FBXW7: variants seen among roughly 807,000 people sequenced by gnomAD.
The protein encoded by FBXW7 is F-box/WD repeat-containing protein 7.
A neutral mutation model predicts 86.3 loss-of-function variants in FBXW7; 11 were observed. That is an observed-to-expected ratio of 0.13 (90% CI 0.08 to 0.21). The LOEUF (loss-of-function observed/expected upper bound fraction) is 0.21, where lower values mean the gene tolerates loss of function less well. Ranked by LOEUF, FBXW7 falls within the 10% of genes least tolerant of loss-of-function variation. The probability of loss-of-function intolerance (pLI) is 1.00; values close to 1 mark genes in which losing one functional copy is unlikely to be tolerated. For missense variants in FBXW7, 488 were observed against 847.4 expected, an observed-to-expected ratio of 0.58 and a Z score of 5.27; for synonymous variants, 313 against 297.9, an observed-to-expected ratio of 1.05 and a Z score of -0.52.
At chr4:152,417,543 AG>A (rs1738551069) in intron 2 of FBXW7, among the ~76,000 whole-genome samples, 1 of 152,092 alleles carries the variant, frequency 6.6e-6, no homozygotes. Flanking sequence ...CAGACCAACA[AG>A]GGGGCAAGGT....
intron 2 of FBXW7, among the ~76,000 whole-genome samples, chr4:152,492,765 G>A (rs1055570287): frequency 6.6e-6 from 1 of 152,104 alleles, no homozygotes; most frequent in Non-Finnish European, 1.5e-5. Context: ...TTGCTATAGT[G>A]CAGCTATGGC....
intron 4 of FBXW7, among the ~76,000 whole-genome samples, chr4:152,383,294 C>T (rs1735252846): frequency 6.6e-6 from 1 of 152,012 alleles, no homozygotes; most frequent in East Asian, 1.9e-4. Flanking sequence ...ATAAATCTTC[C>T]TAAAACACAG....
At chr4:152,509,195 G>A (rs754212397) in intron 2 of FBXW7, among the ~76,000 whole-genome samples, 2 of 152,188 alleles carry the variant, frequency 1.3e-5, no homozygotes, top group African/African-American at 2.4e-5. Context: ...GGCCATTGGT[G>A]AGAAAATGGG....
At chr4:152,527,483 T>A (rs1229563285) in intron 2 of FBXW7, among the ~76,000 whole-genome samples, 1 of 152,110 alleles carries the variant, frequency 6.6e-6, no homozygotes, top group Non-Finnish European at 1.5e-5. Context: ...ATACACACAC[T>A]CTGACCGGGC....
chr4:152,378,325 T>G (rs183473123), intron 4 of FBXW7, among the ~76,000 whole-genome samples: 11 of 152,362 alleles, frequency 7.2e-5, no homozygotes, highest in African/African-American at 2.4e-4. Context: ...TATTTTCAAC[T>G]ACTGGAAACG....
chr4:152,432,054 C>T (rs1739938656), intron 2 of FBXW7, among the ~76,000 whole-genome samples: 2 of 152,146 alleles, frequency 1.3e-5, no homozygotes, highest in Admixed American at 1.3e-4. Context: ...TAGTCATTGG[C>T]TGTTTAGGGT....
At chr4:152,376,238 T>G (rs1436600057) in intron 4 of FBXW7, among the ~76,000 whole-genome samples, 1 of 152,088 alleles carries the variant, frequency 6.6e-6, no homozygotes, top group Non-Finnish European at 1.5e-5. Flanking sequence ...ATATAGCCAT[T>G]GAACTCAGAC....
At chr4:152,339,787 T>C (rs1410315306) in intron 6 of FBXW7, among the ~76,000 whole-genome samples, 2 of 151,682 alleles carry the variant, frequency 1.3e-5, no homozygotes, top group Admixed American at 6.6e-5. Context: ...ACAAAAAAAT[T>C]AGAAATCAGC....
At chr4:152,439,649 A>T (rs1246757314) in intron 2 of FBXW7, among the ~76,000 whole-genome samples, 1 of 152,078 alleles carries the variant, frequency 6.6e-6, no homozygotes, top group East Asian at 1.9e-4. Context: ...GCCGATCACG[A>T]GGTCAGGAGA....
chr4:152,330,843 C>T lies in FBXW7; in HGVS notation c.1011G>A (p.Lys337=), dbSNP rs1729502356. The T allele has an allele frequency of 6.2e-7, 1 of 1,611,928 alleles. No individual in the cohort carries two copies. The highest frequency in any genetic ancestry group is 8.5e-7 in the Non-Finnish European group (1 of 1,178,638). The change falls in exon 9 of 14, where the codon AAG becomes AAA. Residue 337 remains lysine, a synonymous_variant. Coordinates refer to ENST00000281708, the MANE Select transcript of FBXW7 (RefSeq NM_001349798.2). ...EEGIDEPLHI[K]RRKVIKPGFI... The stretch of plus-strand genomic sequence containing the variant: ...AACCTGGTTTTATTACTTTTCTTCT[C>T]TTGATGTGCAATGGTTCATCAATCC...
chr4:152,414,843 T>C (rs1738285166), intron 2 of FBXW7, among the ~76,000 whole-genome samples: 1 of 152,042 alleles, frequency 6.6e-6, no homozygotes, highest in African/African-American at 2.4e-5. Flanking sequence ...ATTTTGCTCT[T>C]CAAAAAAATT....
intron 2 of FBXW7, among the ~76,000 whole-genome samples, chr4:152,484,961 CAAAAAAAAA>C (rs369258930): frequency 9.7e-6 from 1 of 102,990 alleles, no homozygotes; most frequent in African/African-American, 3.1e-5. Context: ...GACTCTGTCT[CAAAAAAAAA>C]AAAAAAAAGT....
chr4:152,329,939 C>T (rs550423080), intron 9 of FBXW7, among the ~76,000 whole-genome samples, 154 bp from the exon 10 acceptor site: 5 of 151,926 alleles, frequency 3.3e-5, no homozygotes, highest in East Asian at 3.9e-4. Context: ...TCCTGGCTGA[C>T]GAATCCAGAA....
intron 4 of FBXW7, among the ~76,000 whole-genome samples, chr4:152,408,184 T>G (rs1737599096): frequency 6.6e-6 from 1 of 152,194 alleles, no homozygotes; most frequent in Non-Finnish European, 1.5e-5. Flanking sequence ...CAGAAATTAA[T>G]GCTCAAACAC....
At chr4:152,358,644 T>G (rs1732627881) in intron 4 of FBXW7, among the ~76,000 whole-genome samples, 1 of 152,194 alleles carries the variant, frequency 6.6e-6, no homozygotes. Context: ...CAGAAAAACC[T>G]GGATTTAAGC....
At chr4:152,442,723 A>G (rs1481219255) in intron 2 of FBXW7, among the ~76,000 whole-genome samples, 1 of 152,212 alleles carries the variant, frequency 6.6e-6, no homozygotes, top group African/African-American at 2.4e-5. Context: ...CTGAATTAGG[A>G]AGGCTTATAC....
At chr4:152,499,651 T>C (rs1409975708) in intron 2 of FBXW7, among the ~76,000 whole-genome samples, 1 of 152,008 alleles carries the variant, frequency 6.6e-6, no homozygotes, top group Non-Finnish European at 1.5e-5. Flanking sequence ...TGAAGTAAAC[T>C]GCAAAAAGGG....
rs1207038641 is a variant in FBXW7 at position 152,330,850 on chromosome 4, T to A, written c.1004A>T (p.His335Leu). ...CKEEGIDEPL[H>L]IKRRKVIKPG... ...TTTTATTACTTTTCTTCTCTTGATG[T>A]GCAATGGTTCATCAATCCCTAAAGT... The change falls in exon 9 of 14, where the codon CAC becomes CTC. Residue 335 changes from histidine to leucine, a missense_variant. Coordinates refer to ENST00000281708, the MANE Select transcript of FBXW7 (RefSeq NM_001349798.2). 2 of 1,611,994 alleles carry A rather than the reference T, an allele frequency of 1.2e-6. No homozygotes were observed. Among genetic ancestry groups the A allele is most frequent in the Non-Finnish European group, 1.7e-6 (2 of 1,178,544 alleles).
intron 7 of FBXW7, among the ~76,000 whole-genome samples, chr4:152,334,014 G>A (rs928069911): frequency 1.1e-4 from 16 of 151,930 alleles, no homozygotes; most frequent in African/African-American, 3.1e-4. Flanking sequence ...AGATCACGTC[G>A]TTGCACTCCA....
Sources: allele counts gnomAD v4.1 joint callset (sites outside exome capture counted in the v4.1 genomes callset), GRCh38; gene constraint gnomAD v4.1.1; transcripts MANE v1.5; gene names NCBI Gene and HGNC (gene_info 2026-07-23, HGNC 2026-07-21).